Variants in LARGE1 observed in about 807,000 individuals in gnomAD.
LARGE1 encodes LARGE xylosyl- and glucuronyltransferase 1.
LARGE1 carries 43 observed loss-of-function variants against 87.6 expected under a neutral mutation model. That is an observed-to-expected ratio of 0.49 (90% confidence interval 0.38 to 0.63). The LOEUF (loss-of-function observed/expected upper bound fraction) is 0.63. Among genes scored for constraint, LARGE1 ranks in the 30% least tolerant of loss-of-function variants. LARGE1 has a pLI of 0.00. For missense variants in LARGE1, 802 were observed against 1,000.2 expected, an observed-to-expected ratio of 0.80 and a Z score of 2.67; for synonymous variants, 434 against 394.6, an observed-to-expected ratio of 1.10 and a Z score of -1.18.
At chr22:33,340,349 C>G (rs746210531) in intron 9 of LARGE1, among the ~76,000 whole-genome samples, 16 of 151,898 alleles carry the variant, frequency 1.1e-4, no homozygotes, top group Non-Finnish European at 1.8e-4. Context: ...CAGATGGCCT[C>G]TCACAGTTGA....
At chr22:33,595,625 A>T (rs2078957360) in intron 5 of LARGE1, among the ~76,000 whole-genome samples, 1 of 152,216 alleles carries the variant, frequency 6.6e-6, no homozygotes, top group Admixed American at 6.5e-5. Context: ...TGTAGTAGTG[A>T]TTACTGAGAA....
At chr22:33,537,675 T>C (rs571155738) in intron 6 of LARGE1, among the ~76,000 whole-genome samples, 136 of 152,230 alleles carry the variant, frequency 8.9e-4, no homozygotes, top group African/African-American at 3.2e-3. Context: ...CAAGCAAGTC[T>C]CCTCCCTCAG....
At chr22:33,180,760 AAT>A (rs1277100417) in intron 11 of LARGE1, among the ~76,000 whole-genome samples, 1 of 152,128 alleles carries the variant, frequency 6.6e-6, no homozygotes, top group African/African-American at 2.4e-5. Context: ...ATGTAGTATG[AAT>A]ACATGCTGCA....
chr22:33,867,076 G>A (rs1170432994), intron 1 of LARGE1, among the ~76,000 whole-genome samples: 2 of 152,154 alleles, frequency 1.3e-5, no homozygotes, highest in Non-Finnish European at 2.9e-5. Flanking sequence ...ATGGATGGAT[G>A]GATAGATGAA....
Position 33,581,563 on chromosome 22 carries a change from C to T in LARGE1, c.616-16544G>A, listed in dbSNP as rs552962442. Among the ~76,000 whole-genome samples the T allele has an allele frequency of 3.3e-5, 5 of 152,114 alleles. No homozygotes were observed. In the South Asian group the frequency reaches 1.0e-3, roughly 32 times the overall value. ...GCACGGTGGCTCAAATCTGTAATCC[C>T]AGCACTTTGGGAGGCTGAGGTGGGC... On this transcript the variant is annotated intron_variant, in intron 5 of 14. Coordinates refer to ENST00000397394, the MANE Select transcript of LARGE1 (RefSeq NM_133642.5).
In LARGE1 at chr22:33,624,098, G is replaced by A. The variant is rs567348532; in HGVS notation, c.491+2146C>T. Among the ~76,000 whole-genome samples the A allele has an allele frequency of 4.6e-5, 7 of 152,260 alleles. No individual in the cohort carries two copies. In the South Asian group the frequency reaches 1.5e-3, roughly 32 times the overall value. On this transcript the variant is annotated intron_variant, in intron 4 of 14. Transcript: ENST00000397394. ...GCTGACAATCACTCAGCAATATAGT[G>A]TCATGAATGTGGAACTGAACTAAGT...
At chr22:33,404,997 G>A (rs1601724554) in intron 7 of LARGE1, among the ~76,000 whole-genome samples, 1 of 152,220 alleles carries the variant, frequency 6.6e-6, no homozygotes, top group Admixed American at 6.5e-5. Context: ...TCTGCATTGG[G>A]TAGTGGGGAA....
At chr22:33,626,574 G>T (rs1363399920) in intron 3 of LARGE1, among the ~76,000 whole-genome samples, 1 of 152,230 alleles carries the variant, frequency 6.6e-6, no homozygotes, top group African/African-American at 2.4e-5. Flanking sequence ...GGGGACAAGA[G>T]AGATGGTGAT....
At position 33,291,768 on chromosome 22, in the gene LARGE1, T is replaced by C. The variant is rs1474380118; in HGVS notation, c.1731-8420A>G. ...CCTTCTTCCACGTGAGAACATGGCG[T>C]TCCTCCCCTCTGCAGGATGCAGTGT... On this transcript the variant is annotated intron_variant, in intron 12 of 14. Coordinates refer to ENST00000397394, the MANE Select transcript of LARGE1 (RefSeq NM_133642.5). Among the ~76,000 whole-genome samples, 7 of 151,880 alleles carry C rather than the reference T, an allele frequency of 4.6e-5. No homozygotes were observed. In the South Asian group the frequency reaches 1.5e-3, roughly 32 times the overall value.
chr22:33,837,422 A>AT (rs2063143727), intron 1 of LARGE1, among the ~76,000 whole-genome samples: 2 of 152,108 alleles, frequency 1.3e-5, no homozygotes, highest in Admixed American at 6.5e-5. Context: ...AACATTACGA[A>AT]TTTTTTAACA....
At chr22:33,610,985 C>T (rs547573875) in intron 4 of LARGE1, among the ~76,000 whole-genome samples, 1 of 152,320 alleles carries the variant, frequency 6.6e-6, no homozygotes, top group African/African-American at 2.4e-5. Flanking sequence ...TTAAGCCTGT[C>T]AGGACGGAGA....
intron 2 of LARGE1, among the ~76,000 whole-genome samples, chr22:33,709,094 C>T (rs1405851351): frequency 6.6e-6 from 1 of 152,198 alleles, no homozygotes; most frequent in East Asian, 1.9e-4. Flanking sequence ...TCCCCAGTCA[C>T]ATTCCTGGGT....
At chr22:33,742,865 C>T (rs1436546606) in intron 2 of LARGE1, among the ~76,000 whole-genome samples, 2 of 152,042 alleles carry the variant, frequency 1.3e-5, no homozygotes, top group Non-Finnish European at 2.9e-5. Flanking sequence ...TTCAAGAGTT[C>T]CAACACCCAG....
chr22:33,094,162 T>C, the LARGE1 span, among the ~76,000 whole-genome samples: 1 of 152,024 alleles, frequency 6.6e-6, no homozygotes, highest in Non-Finnish European at 1.5e-5. Flanking sequence ...TCTTTCAGGG[T>C]TATCATTTTC....
rs529133567 is a variant in LARGE1 at position 33,190,112 on chromosome 22, C to T, written c.1731-23280G>A. Among the ~76,000 whole-genome samples the T allele has an allele frequency of 2.6e-5, 4 of 152,278 alleles. No individual in the cohort carries two copies. In the East Asian group the frequency reaches 7.7e-4, roughly 29 times the overall value. On this transcript the variant is annotated intron_variant, in intron 11 of 11. Transcript: ENST00000608642. ...GATGTGTAGCTTGGTTAGTATTTTT[C>T]AGCTCTGCAGTGATAGCACTGTATA...
chr22:33,716,173 T>C (rs2082901482), intron 2 of LARGE1, among the ~76,000 whole-genome samples: 1 of 152,198 alleles, frequency 6.6e-6, no homozygotes, highest in Admixed American at 6.5e-5. Context: ...CTCAGGTTGA[T>C]GAATTTAGGA....
chr22:33,464,923 A>G (rs577407843), intron 6 of LARGE1, among the ~76,000 whole-genome samples: 2 of 151,990 alleles, frequency 1.3e-5, no homozygotes, highest in African/African-American at 4.8e-5. Context: ...ATGCACACAT[A>G]CATGCACGTA....
At chr22:33,081,076 T>C in the LARGE1 span, among the ~76,000 whole-genome samples, 1 of 152,176 alleles carries the variant, frequency 6.6e-6, no homozygotes, top group African/African-American at 2.4e-5. Flanking sequence ...TTCCCCAGTG[T>C]GAGGTATGTG....
At chr22:33,330,606 C>G (rs1937600335) in intron 10 of LARGE1, among the ~76,000 whole-genome samples, 1 of 152,168 alleles carries the variant, frequency 6.6e-6, no homozygotes, top group Admixed American at 6.5e-5. Context: ...CCAATGCATA[C>G]CAAATGCTTA....
Sources: allele counts gnomAD v4.1 joint callset (sites outside exome capture counted in the v4.1 genomes callset), GRCh38; gene constraint gnomAD v4.1.1; transcripts MANE v1.5; gene names NCBI Gene and HGNC (gene_info 2026-07-23, HGNC 2026-07-21).